ENTREP2: variants seen among roughly 807,000 people sequenced by gnomAD.
The protein encoded by ENTREP2 is protein ENTREP2.
At chr15:29,640,649 CAAACAAAACA>C in the ENTREP2 span, among the ~76,000 whole-genome samples, 7 of 149,636 alleles carry the variant, frequency 4.7e-5, no homozygotes, top group East Asian at 2.0e-4. Context: ...GGGCCTGTCT[CAAACAAAACA>C]AAACAAAACA....
the ENTREP2 span, among the ~76,000 whole-genome samples, chr15:29,313,551 T>C: frequency 6.8e-6 from 1 of 147,064 alleles, no homozygotes; most frequent in Non-Finnish European, 1.5e-5. Flanking sequence ...CATATCTGTT[T>C]AAAGCATGGT....
chr15:29,560,639 GCT>G, the ENTREP2 span, among the ~76,000 whole-genome samples: 1 of 152,050 alleles, frequency 6.6e-6, no homozygotes, highest in African/African-American at 2.4e-5. Context: ...CCCTGAGGAT[GCT>G]CTGAGACTGG....
chr15:29,527,574 T>C, the ENTREP2 span, among the ~76,000 whole-genome samples: 1 of 152,146 alleles, frequency 6.6e-6, no homozygotes, highest in African/African-American at 2.4e-5. Context: ...ACTTTACTCC[T>C]AGGTAATTCC....
At chr15:29,119,926 A>ATCAT in the ENTREP2 span, among the ~76,000 whole-genome samples, 324 of 152,308 alleles carry the variant, frequency 2.1e-3, 7 homozygotes, top group Non-Finnish European at 1.5e-3. Flanking sequence ...CTCCCACCAA[A>ATCAT]TCATACACAT....
the ENTREP2 span, among the ~76,000 whole-genome samples, chr15:29,659,183 C>T: frequency 2.0e-5 from 3 of 152,100 alleles, no homozygotes; most frequent in Admixed American, 1.3e-4. Flanking sequence ...TAATAATACA[C>T]CCAGAGGCTG....
chr15:29,203,779 C>T, the ENTREP2 span, among the ~76,000 whole-genome samples: 4 of 152,140 alleles, frequency 2.6e-5, no homozygotes, highest in Non-Finnish European at 5.9e-5. Flanking sequence ...ATCAACTGGA[C>T]AGGAGTCCAG....
At chr15:29,396,451 A>G in the ENTREP2 span, among the ~76,000 whole-genome samples, 1 of 152,008 alleles carries the variant, frequency 6.6e-6, no homozygotes, top group South Asian at 2.1e-4. Context: ...CCATTTTTGA[A>G]TTGTGTTCTT....
the ENTREP2 span, among the ~76,000 whole-genome samples, chr15:29,279,272 C>T: frequency 1.3e-5 from 2 of 152,090 alleles, no homozygotes; most frequent in South Asian, 4.1e-4. Context: ...TGCTCCAGTT[C>T]TGTTATTTTT....
the ENTREP2 span, among the ~76,000 whole-genome samples, chr15:29,594,960 G>A: frequency 4.0e-5 from 6 of 151,132 alleles, no homozygotes; most frequent in African/African-American, 1.5e-4. Flanking sequence ...CCCAGCTACT[G>A]GGGAGGCTGA....
the ENTREP2 span, among the ~76,000 whole-genome samples, chr15:29,488,921 A>C: frequency 6.6e-6 from 1 of 152,234 alleles, no homozygotes; most frequent in African/African-American, 2.4e-5. Flanking sequence ...GTAACAATCC[A>C]CAGGGACATA....
chr15:29,418,793 A>C, the ENTREP2 span, among the ~76,000 whole-genome samples: 1 of 152,198 alleles, frequency 6.6e-6, no homozygotes, highest in Admixed American at 6.5e-5. Flanking sequence ...GAAGTGTTCC[A>C]ATTCTGGGCA....
At chr15:29,299,056 A>G in the ENTREP2 span, among the ~76,000 whole-genome samples, 2 of 152,356 alleles carry the variant, frequency 1.3e-5, no homozygotes, top group East Asian at 3.9e-4. Flanking sequence ...ATGATAACAC[A>G]CCATGACCAC....
the ENTREP2 span, chr15:29,611,283 G>A: frequency 6.6e-6 from 1 of 151,894 alleles, no homozygotes; most frequent in South Asian, 2.1e-4. Context: ...AGAGTCAGCA[G>A]GGAAATGACC....
the ENTREP2 span, among the ~76,000 whole-genome samples, chr15:29,222,731 C>T: frequency 6.6e-6 from 1 of 152,248 alleles, no homozygotes; most frequent in African/African-American, 2.4e-5. Flanking sequence ...TTCCAGCTTC[C>T]GAGGGGGCCC....
chr15:29,336,399 T>C, the ENTREP2 span, among the ~76,000 whole-genome samples: 2 of 151,730 alleles, frequency 1.3e-5, no homozygotes, highest in African/African-American at 4.8e-5. Context: ...GCAGCCTTGA[T>C]CTCCCAGGCT....
At chr15:29,164,355 G>A in the ENTREP2 span, among the ~76,000 whole-genome samples, 17 of 152,194 alleles carry the variant, frequency 1.1e-4, no homozygotes, top group African/African-American at 2.4e-5. Flanking sequence ...AACATTGAAT[G>A]TAAATGGCCT....
chr15:29,120,387 TAGC>T, the ENTREP2 span: 1 of 152,280 alleles, frequency 6.6e-6, no homozygotes, highest in Non-Finnish European at 1.5e-5. Flanking sequence ...AATTCTGCCT[TAGC>T]AGCCTCTGAG....
chr15:29,496,483 C>A, the ENTREP2 span, among the ~76,000 whole-genome samples: 4 of 152,174 alleles, frequency 2.6e-5, no homozygotes, highest in East Asian at 3.9e-4. Context: ...TGAGAGTGGG[C>A]ATCCTTGTCT....
At chr15:29,636,591 A>C in the ENTREP2 span, among the ~76,000 whole-genome samples, 1 of 152,292 alleles carries the variant, frequency 6.6e-6, no homozygotes, top group South Asian at 2.1e-4. Context: ...CACATCCAGG[A>C]CTTTAGAGAA....
Sources: gnomAD v4.1 joint callset for allele counts (sites outside exome capture counted in the v4.1 genomes callset) on GRCh38, gnomAD v4.1.1 for gene constraint, MANE v1.5 for transcripts, NCBI Gene and HGNC (gene_info 2026-07-23, HGNC 2026-07-21) for gene names.